PDE2A: variants seen among roughly 807,000 people sequenced by gnomAD.
PDE2A encodes the protein cGMP-dependent 3',5'-cyclic phosphodiesterase.
In PDE2A, 53 loss-of-function variants were observed where a neutral mutation model predicts 133.6. The observed-to-expected ratio is 0.40, with a 90% confidence interval of 0.32 to 0.50. The LOEUF is 0.50. PDE2A is among the 20% of genes least tolerant of loss of function. PDE2A has a pLI of 0.73. For missense variants in PDE2A, 796 were observed against 1,232.4 expected (o/e 0.65, Z 5.30); for synonymous variants, 491 against 490.2 (o/e 1.00, Z -0.02).
intron 1 of PDE2A, among the ~76,000 whole-genome samples, chr11:72,671,631 G>C (rs950943030): frequency 6.6e-6 from 1 of 152,160 alleles, no homozygotes; most frequent in Non-Finnish European, 1.5e-5. Flanking sequence ...GGGGGTGGGG[G>C]TGCAGGGAGC....
intron 2 of PDE2A, chr11:72,631,255 C>T: frequency 1.4e-6 from 1 of 714,756 alleles, no homozygotes; most frequent in Admixed American, 2.9e-5. Flanking sequence ...TCCAGGGAGC[C>T]TTGCCTGCTT....
Position 72,581,863 on chromosome 11 carries a change from GT to G in PDE2A, c.1922+13del. The G allele has an allele frequency of 6.2e-7, 1 of 1,612,812 alleles. No individual in the cohort carries two copies. ...AGGGAGGCGAAGACTGGGGCTGTCT[GT>G]GGGCGCACGAACCGGGCCAGGGTCG... On this transcript the variant is annotated intron_variant, in intron 22 of 30. Coordinates refer to ENST00000334456, the MANE Select transcript of PDE2A (RefSeq NM_002599.5).
At chr11:72,653,625 A>G (rs1854809805) in intron 1 of PDE2A, among the ~76,000 whole-genome samples, 1 of 152,130 alleles carries the variant, frequency 6.6e-6, no homozygotes, top group African/African-American at 2.4e-5. Context: ...AGGACTGGAG[A>G]GGGACAGGTG....
intron 1 of PDE2A, among the ~76,000 whole-genome samples, chr11:72,666,188 C>T (rs889103688): frequency 1.3e-5 from 2 of 152,160 alleles, no homozygotes; most frequent in Non-Finnish European, 2.9e-5. Flanking sequence ...CCTCTGAGCT[C>T]CCCACCTGCT....
chr11:72,580,487 T>G, intron 25 of PDE2A, 90 bp downstream of exon 25: 4 of 948,770 alleles, frequency 4.2e-6, no homozygotes, highest in East Asian at 2.6e-5. Flanking sequence ...CTGGAGAGCA[T>G]GGTTTGGGAA....
chr11:72,632,186 G>A (rs1464125247), intron 2 of PDE2A, among the ~76,000 whole-genome samples: 1 of 152,174 alleles, frequency 6.6e-6, no homozygotes, highest in Non-Finnish European at 1.5e-5. Flanking sequence ...TCTCGCCTGG[G>A]CACTGGATAC....
intron 2 of PDE2A, among the ~76,000 whole-genome samples, chr11:72,633,888 G>A (rs10898860): frequency 0.14 from 21,658 of 152,154 alleles, 1,600 homozygotes; most frequent in Middle Eastern, 0.18. Flanking sequence ...AACCCTGGAC[G>A]CCTGATGCCA....
intron 1 of PDE2A, among the ~76,000 whole-genome samples, chr11:72,652,258 A>G (rs1157935107): frequency 2.6e-5 from 4 of 152,168 alleles, no homozygotes; most frequent in Non-Finnish European, 2.9e-5. Context: ...TCCCTTCTCC[A>G]TGGGCCCATC....
Position 72,577,408 on chromosome 11 carries a change from G to T in PDE2A, c.2802C>A (p.Gly934=). The change falls in exon 31 of 31, where the codon GGC becomes GGA. Residue 934 remains glycine, a synonymous_variant. Coordinates refer to ENST00000334456, the MANE Select transcript of PDE2A (RefSeq NM_002599.5). The stretch of plus-strand genomic sequence containing the variant: ...ATCACTCAGCATCAAGGCTGCAGCA[G>T]CCATTGATGGGGGCCCTAGTGCCAT... ...DLDGTRAPIN[G]CCSLDAE is the part of the protein sequence containing the mutation. 1 of 1,613,626 alleles carries T rather than the reference G, an allele frequency of 6.2e-7. No homozygotes were observed.
rs529406879 is a variant in PDE2A, at chr11:72,642,469, C to T, written c.72-143G>A. The stretch of plus-strand genomic sequence containing the variant: ...GCCTGGTCCGCCCGAGTGTCCGCCC[C>T]GGCCCCGCCCCGGCCCGCCCCCCGC... On this transcript the variant is annotated intron_variant, in intron 1 of 30. Coordinates refer to ENST00000334456, the MANE Select transcript of PDE2A (RefSeq NM_002599.5). 6.4e-4 allele frequency: 580 copies of T among 911,404 alleles called. 2 individuals carry two copies. The African/African-American group carries it at 0.01, about 16-fold the overall frequency. 56.5% of individuals were successfully genotyped at this position (911,404 alleles called of 1,614,324 possible). A position where few individuals can be genotyped will look rare whatever the true frequency, so the allele number is the denominator to read the frequency against.
At chr11:72,673,226 C>T (rs1370304888) in intron 1 of PDE2A, among the ~76,000 whole-genome samples, 2 of 152,088 alleles carry the variant, frequency 1.3e-5, no homozygotes, top group Non-Finnish European at 2.9e-5. Flanking sequence ...ATAGACACAC[C>T]TACATACATA....
At chr11:72,671,204 C>T (rs531180837) in intron 1 of PDE2A, among the ~76,000 whole-genome samples, 1 of 152,354 alleles carries the variant, frequency 6.6e-6, no homozygotes, top group East Asian at 1.9e-4. Flanking sequence ...CCATTTCTTT[C>T]TCCTTCATCA....
At chr11:72,662,325 C>T (rs1230938326) in intron 1 of PDE2A, among the ~76,000 whole-genome samples, 1 of 152,142 alleles carries the variant, frequency 6.6e-6, no homozygotes, top group Non-Finnish European at 1.5e-5. Context: ...GGGCCAAGGT[C>T]CCTCAACTCC....
chr11:72,621,206 C>T (rs985134541), intron 2 of PDE2A, among the ~76,000 whole-genome samples: 1 of 152,192 alleles, frequency 6.6e-6, no homozygotes, highest in Non-Finnish European at 1.5e-5. Flanking sequence ...GAAGTGCCCA[C>T]ATCCTGCCTC....
intron 4 of PDE2A, among the ~76,000 whole-genome samples, chr11:72,598,007 C>A (rs1565160388): frequency 6.6e-6 from 1 of 152,186 alleles, no homozygotes; most frequent in Non-Finnish European, 1.5e-5. Flanking sequence ...GAGAGAAGAA[C>A]CCTCCCTGTC....
intron 4 of PDE2A, chr11:72,598,511 G>A: frequency 2.3e-6 from 3 of 1,289,076 alleles, no homozygotes; most frequent in Non-Finnish European, 3.0e-6. Context: ...TTAAGCACCT[G>A]AGTTTGCACC....
intron 2 of PDE2A, among the ~76,000 whole-genome samples, chr11:72,637,209 T>C (rs896962980): frequency 1.3e-5 from 2 of 152,230 alleles, no homozygotes; most frequent in Non-Finnish European, 2.9e-5. Context: ...CCCTGCTTTA[T>C]ATCACCATGG....
chr11:72,630,607 G>A (rs1476857747), intron 2 of PDE2A, among the ~76,000 whole-genome samples: 5 of 151,808 alleles, frequency 3.3e-5, no homozygotes, highest in Non-Finnish European at 7.4e-5. Flanking sequence ...GAGGATTCTG[G>A]GGCAAGAGAG....
intron 1 of PDE2A, 64 bp from the exon 2 acceptor site, chr11:72,642,390 CGCCCGCCCGCCG>C: frequency 7.7e-7 from 1 of 1,297,734 alleles, no homozygotes; most frequent in Non-Finnish European, 9.9e-7. Context: ...CGCAGCCGCC[CGCCCGCCCGCCG>C]GCCCGGCCGC....
Sources: gnomAD v4.1 joint callset for allele counts (sites outside exome capture counted in the v4.1 genomes callset) on GRCh38, gnomAD v4.1.1 for gene constraint, MANE v1.5 for transcripts, NCBI Gene and HGNC (gene_info 2026-07-23, HGNC 2026-07-21) for gene names.